The following GLIS3 variants were observed in gnomAD, a reference collection of about 807,000 sequenced individuals.
GLIS3 encodes zinc finger protein GLIS3.
Under a neutral mutation model 78.6 loss-of-function variants are expected in GLIS3, and 53 were observed. The ratio of observed to expected loss-of-function variants is 0.67; its 90% CI spans 0.54 to 0.85. GLIS3 has a LOEUF of 0.85. Ranked by LOEUF, GLIS3 falls within the 40% of genes least tolerant of loss-of-function variation. The pLI, the probability that GLIS3 is intolerant of heterozygous loss-of-function variation, is 0.00. For missense variants in GLIS3, 1,703 were observed against 1,231.1 expected (o/e 1.38, Z -5.74); for synonymous variants, 684 against 509.9 (o/e 1.34, Z -4.60).
At chr9:4,382,695 G>T in the GLIS3 span, among the ~76,000 whole-genome samples, 12 of 152,156 alleles carry the variant, frequency 7.9e-5, no homozygotes, top group Admixed American at 2.6e-4. Context: ...CTAGAGTGAT[G>T]AGTGGGTACT....
intron 7 of GLIS3, among the ~76,000 whole-genome samples, chr9:3,880,162 T>A (rs1821632329): frequency 6.6e-6 from 1 of 152,078 alleles, no homozygotes; most frequent in Admixed American, 6.5e-5. Flanking sequence ...CCCAGGGAAT[T>A]TTCCTGATGG....
the GLIS3 span, among the ~76,000 whole-genome samples, chr9:4,392,925 C>CAT: frequency 6.6e-6 from 1 of 151,716 alleles, no homozygotes; most frequent in Non-Finnish European, 1.5e-5. Context: ...CCTGAATCAC[C>CAT]ATATATTGGA....
intron 6 of GLIS3, among the ~76,000 whole-genome samples, chr9:3,913,859 CCTT>C (rs1280570366): frequency 6.6e-6 from 1 of 152,172 alleles, no homozygotes; most frequent in African/African-American, 2.4e-5. Context: ...CTAAAACAGT[CCTT>C]CTTTTCACAT....
chr9:4,297,375 G>C (rs1816632658), intron 1 of GLIS3, among the ~76,000 whole-genome samples: 2 of 152,146 alleles, frequency 1.3e-5, no homozygotes, highest in Admixed American at 1.3e-4. Flanking sequence ...ACGTCTCTGG[G>C]GCTCGGTTTC....
chr9:4,133,616 A>G (rs907933578), intron 2 of GLIS3, among the ~76,000 whole-genome samples: 6 of 152,194 alleles, frequency 3.9e-5, no homozygotes, highest in South Asian at 2.1e-4. Flanking sequence ...TGATCTCCCA[A>G]TGAGGTTAAC....
chr9:4,385,119 C>T, the GLIS3 span, among the ~76,000 whole-genome samples: 1 of 152,326 alleles, frequency 6.6e-6, no homozygotes, highest in Non-Finnish European at 1.5e-5. Flanking sequence ...CTCCTCAGAA[C>T]AGTTTACTGT....
At chr9:4,345,106 G>C (rs1200746879) in intron 2 of GLIS3, among the ~76,000 whole-genome samples, 2 of 152,138 alleles carry the variant, frequency 1.3e-5, no homozygotes, top group East Asian at 3.9e-4. Flanking sequence ...GTCTCCGCAA[G>C]TTTCCCCCTC....
Position 4,337,089 on chromosome 9 carries a change from T to G in GLIS3, n.264+9992A>C, listed in dbSNP as rs190661691. ...AATTAGGAAAAGAAAATACTCAGAG[T>G]TGGTAGTGTCATTGGCTTCTAGTGC... On this transcript the variant is annotated intron_variant and non_coding_transcript_variant, in intron 2 of 4. Coordinates refer to the GLIS3 transcript ENST00000471664. Among the ~76,000 whole-genome samples the G allele has an allele frequency of 2.0e-5, 3 of 152,066 alleles. No individual in the cohort carries two copies. The East Asian group carries it at 5.8e-4, about 29-fold the overall frequency.
chr9:4,261,111 C>T (rs776180980), intron 2 of GLIS3, among the ~76,000 whole-genome samples: 1 of 152,184 alleles, frequency 6.6e-6, no homozygotes, highest in Admixed American at 6.5e-5. Flanking sequence ...TTATGGCGTT[C>T]CAGAAAACTG....
intron 6 of GLIS3, among the ~76,000 whole-genome samples, chr9:3,899,711 T>A (rs1455833097): frequency 6.6e-6 from 1 of 152,218 alleles, no homozygotes; most frequent in Non-Finnish European, 1.5e-5. Flanking sequence ...CCTTTAGATA[T>A]AGAGCTAGAG....
At chr9:4,081,533 C>T (rs1044712316) in intron 4 of GLIS3, among the ~76,000 whole-genome samples, 8 of 152,104 alleles carry the variant, frequency 5.3e-5, no homozygotes, top group African/African-American at 1.9e-4. Context: ...TGGACCCCCA[C>T]GATACTGGAA....
At chr9:4,116,208 G>C (rs150516442) in intron 4 of GLIS3, among the ~76,000 whole-genome samples, 1,842 of 152,284 alleles carry the variant, frequency 0.012, 36 homozygotes, top group African/African-American at 0.039. Flanking sequence ...ACTATTTTCA[G>C]CCAGGATTAG....
chr9:4,400,744 C>G, the GLIS3 span, among the ~76,000 whole-genome samples: 3 of 152,204 alleles, frequency 2.0e-5, no homozygotes, highest in South Asian at 4.1e-4. Context: ...TAGGATAGGG[C>G]TCTGGGCAGA....
chr9:3,848,421 G>T (rs1819199434), intron 9 of GLIS3, among the ~76,000 whole-genome samples: 2 of 152,234 alleles, frequency 1.3e-5, no homozygotes, highest in Non-Finnish European at 2.9e-5. Context: ...AGAATCGCTT[G>T]AATCCAGGAG....
intron 4 of GLIS3, among the ~76,000 whole-genome samples, chr9:4,014,942 C>G (rs1822319223): frequency 6.6e-6 from 1 of 152,172 alleles, no homozygotes. Context: ...GCGCCAGACT[C>G]TGGAAATGAT....
chr9:4,153,333 G>A (rs1438046351), intron 2 of GLIS3, among the ~76,000 whole-genome samples: 1 of 152,196 alleles, frequency 6.6e-6, no homozygotes, highest in Non-Finnish European at 1.5e-5. Context: ...GGAGGCTGAG[G>A]CGGGCAGATC....
At chr9:3,932,849 A>G (rs1273320423) in intron 5 of GLIS3, 2 of 423,782 alleles carry the variant, frequency 4.7e-6, no homozygotes, top group Non-Finnish European at 4.7e-6. Context: ...GTAAACACAT[A>G]TTCTTTAAGG....
the GLIS3 span, among the ~76,000 whole-genome samples, chr9:4,380,992 C>A: frequency 6.6e-6 from 1 of 151,940 alleles, no homozygotes; most frequent in South Asian, 2.1e-4. Flanking sequence ...GGAGGACAGG[C>A]AGAAATGGCC....
At chr9:4,014,085 T>A (rs1290679089) in intron 4 of GLIS3, among the ~76,000 whole-genome samples, 1 of 152,196 alleles carries the variant, frequency 6.6e-6, no homozygotes. Context: ...AGAATCAAGA[T>A]AACCCGCATG....
Sources: gnomAD v4.1 joint callset for allele counts (sites outside exome capture counted in the v4.1 genomes callset) on GRCh38, gnomAD v4.1.1 for gene constraint, MANE v1.5 for transcripts, NCBI Gene and HGNC (gene_info 2026-07-23, HGNC 2026-07-21) for gene names.